The following SYK variants were observed in gnomAD, a reference collection of about 807,000 sequenced individuals.
SYK encodes the protein spleen associated tyrosine kinase, also known as tyrosine-protein kinase SYK.
In SYK, 16 loss-of-function variants were observed where a neutral mutation model predicts 77.8. That is an observed-to-expected ratio of 0.21 (90% CI 0.14 to 0.31). The LOEUF (loss-of-function observed/expected upper bound fraction) is 0.31, where lower values mean the gene tolerates loss of function less well. Among genes scored for constraint, SYK ranks in the 10% least tolerant of loss-of-function variants. The pLI, the probability that SYK is intolerant of heterozygous loss-of-function variation, is 1.00. For missense variants in SYK, 529 were observed against 814.4 expected (o/e 0.65, Z 4.26); for synonymous variants, 312 against 308.7 (o/e 1.01, Z -0.11).
At chr9:90,875,701 A>C (rs183900216) in intron 9 of SYK, among the ~76,000 whole-genome samples, 62 of 152,360 alleles carry the variant, frequency 4.1e-4, no homozygotes, top group Non-Finnish European at 7.9e-4. Flanking sequence ...GATTTCAGAT[A>C]ACAATACATA....
rs290223 is a variant in SYK, at chr9:90,877,564, C to A, written c.1182-7C>A. On this transcript the variant is annotated splice_polypyrimidine_tract_variant and splice_region_variant and intron_variant, in intron 9 of 13. Coordinates refer to ENST00000375754, the MANE Select transcript of SYK (RefSeq NM_003177.7). ...AAGTTTCTTGTGTGTTATGATTTCT[C>A]TTGCAGAGTTGTGAAAACCGTGGCT... is the stretch of plus-strand genomic sequence containing the variant. 4,125 of 1,613,860 alleles carry A rather than the reference C, an allele frequency of 2.6e-3. 85 individuals are homozygous for A. The African/African-American group carries it at 0.044, about 17-fold the overall frequency.
At chr9:90,891,633 A>C (rs1456880738) in intron 13 of SYK, among the ~76,000 whole-genome samples, 1 of 152,230 alleles carries the variant, frequency 6.6e-6, no homozygotes, top group Non-Finnish European at 1.5e-5. Flanking sequence ...GAAACCTTAC[A>C]GAGGACTCTG....
At chr9:90,868,285 A>G (rs1827594150) in intron 7 of SYK, among the ~76,000 whole-genome samples, 1 of 152,224 alleles carries the variant, frequency 6.6e-6, no homozygotes, top group African/African-American at 2.4e-5. Context: ...GATTACTCAC[A>G]GTGGCTAAAG....
chr9:90,882,092 C>T (rs2118910316), intron 11 of SYK, among the ~76,000 whole-genome samples: 1 of 152,222 alleles, frequency 6.6e-6, no homozygotes. Context: ...GTTTTATGAC[C>T]AGAAAAAAGT....
chr9:90,837,417 G>A (rs748088190), intron 1 of SYK, among the ~76,000 whole-genome samples: 2 of 152,062 alleles, frequency 1.3e-5, no homozygotes, highest in Admixed American at 6.5e-5. Context: ...AAGGTAGGCC[G>A]AAGCAGCACC....
chr9:90,841,086 T>G (rs1017418132), intron 1 of SYK, among the ~76,000 whole-genome samples: 1 of 151,950 alleles, frequency 6.6e-6, no homozygotes, highest in Non-Finnish European at 1.5e-5. Context: ...GGTGTGTGTG[T>G]GGCATGTATG....
At chr9:90,888,383 C>T (rs1380861271) in intron 12 of SYK, 132 bp from the exon 13 acceptor site, 4 of 688,598 alleles carry the variant, frequency 5.8e-6, no homozygotes, top group African/African-American at 1.8e-5. Flanking sequence ...AGATTAAGTG[C>T]TCCTGTTTTT....
At chr9:90,894,914 T>TA (rs1587933684) in intron 13 of SYK, among the ~76,000 whole-genome samples, 1 of 152,210 alleles carries the variant, frequency 6.6e-6, no homozygotes, top group East Asian at 1.9e-4. Context: ...AAGGACTGGC[T>TA]ATATTAAGGT....
At chr9:90,867,035 G>C (rs1015326845) in intron 6 of SYK, 96 bp from the exon 7 acceptor site, 1 of 1,386,484 alleles carries the variant, frequency 7.2e-7, no homozygotes, top group Non-Finnish European at 1.0e-6. Flanking sequence ...TTAGTGGTGC[G>C]ATTATAGAAG....
At chr9:90,827,328 A>T (rs1825697111) in intron 1 of SYK, among the ~76,000 whole-genome samples, 1 of 152,028 alleles carries the variant, frequency 6.6e-6, no homozygotes, top group Admixed American at 6.5e-5. Context: ...GCTGCTGGGG[A>T]TCTCACACTT....
At chr9:90,818,613 AG>A (rs1825389019) in intron 1 of SYK, among the ~76,000 whole-genome samples, 1 of 152,228 alleles carries the variant, frequency 6.6e-6, no homozygotes, top group African/African-American at 2.4e-5. Flanking sequence ...CAGCAACCAT[AG>A]GGTTTTTCTT....
chr9:90,872,576 A>T (rs1827773300), intron 7 of SYK, among the ~76,000 whole-genome samples: 1 of 152,264 alleles, frequency 6.6e-6, no homozygotes, highest in African/African-American at 2.4e-5. Context: ...ATTATATTAT[A>T]AATCAGAAGT....
At position 90,814,865 on chromosome 9, in the gene SYK, CAA is replaced by C. The variant is rs869184471; in HGVS notation, c.-42+12975_-42+12976del. On this transcript the variant is annotated intron_variant, in intron 1 of 13. Transcript: ENST00000375754. Reference sequence around the variant, plus strand: ...ACACACACACACACACACACACACACAAAATAATGTTACTTCTCAGTCACCCG... The same window carrying C: ...ACACACACACACACACACACACACACAATAATGTTACTTCTCAGTCACCCG... Among the ~76,000 whole-genome samples the C allele has an allele frequency of 8.3e-3, 82 of 9,828 alleles. 1 individual carries two copies. The highest frequency in any genetic ancestry group is 0.05 in the East Asian group (2 of 40). The allele number at this position is 9,828 out of a possible 152,430, so 6.4% of individuals were successfully genotyped here.
chr9:90,867,622 G>C (rs894500213), intron 7 of SYK, among the ~76,000 whole-genome samples: 1 of 152,214 alleles, frequency 6.6e-6, no homozygotes, highest in Non-Finnish European at 1.5e-5. Context: ...CCAAGGTTTT[G>C]TGAGGCGCGC....
At chr9:90,865,259 A>G (rs1827439075) in intron 6 of SYK, among the ~76,000 whole-genome samples, 162 bp downstream of exon 6, 1 of 152,050 alleles carries the variant, frequency 6.6e-6, no homozygotes, top group Admixed American at 6.5e-5. Context: ...AGGCAGAATC[A>G]GCCTCCTATT....
At chr9:90,843,336 C>A (rs569602484) in intron 1 of SYK, among the ~76,000 whole-genome samples, 2 of 152,318 alleles carry the variant, frequency 1.3e-5, no homozygotes, top group South Asian at 2.1e-4. Context: ...CAGCGTGTGA[C>A]TGACTGCTCG....
chr9:90,816,380 G>A (rs900971638), intron 1 of SYK, among the ~76,000 whole-genome samples: 1 of 152,150 alleles, frequency 6.6e-6, no homozygotes, highest in East Asian at 1.9e-4. Context: ...TCCTGAAATC[G>A]TTCACTGCCA....
intron 3 of SYK, among the ~76,000 whole-genome samples, chr9:90,857,675 A>T (rs1430201007): frequency 6.6e-6 from 1 of 152,150 alleles, no homozygotes; most frequent in Non-Finnish European, 1.5e-5. Flanking sequence ...TCTTGCTGAC[A>T]TACACACTGT....
intron 1 of SYK, among the ~76,000 whole-genome samples, chr9:90,843,404 T>C (rs1485162382): frequency 6.6e-6 from 1 of 152,148 alleles, no homozygotes; most frequent in Admixed American, 6.5e-5. Flanking sequence ...CTTGGTAATA[T>C]CACTGTGATG....
Sources: allele counts gnomAD v4.1 joint callset (sites outside exome capture counted in the v4.1 genomes callset), GRCh38; gene constraint gnomAD v4.1.1; transcripts MANE v1.5; gene names NCBI Gene and HGNC (gene_info 2026-07-23, HGNC 2026-07-21).